The following CLASP2 variants were observed in gnomAD, a reference collection of about 807,000 sequenced individuals.
CLASP2 encodes cytoplasmic linker associated protein 2, also known as CLIP-associating protein 2.
CLASP2 carries 47 observed loss-of-function variants against 194.4 expected under a neutral mutation model. That is an observed-to-expected ratio of 0.24 (90% CI 0.19 to 0.31). CLASP2 has a LOEUF of 0.31. Ranked by LOEUF, CLASP2 falls within the 10% of genes least tolerant of loss-of-function variation. The pLI is 1.00. For synonymous variants in CLASP2, 619 were observed against 633.5 expected (o/e 0.98, Z 0.34); for missense variants, 1,445 against 1,823.6 (o/e 0.79, Z 3.78).
At chr3:33,714,030 C>A (rs185934844) in intron 1 of CLASP2, among the ~76,000 whole-genome samples, 108 of 152,188 alleles carry the variant, frequency 7.1e-4, no homozygotes, top group African/African-American at 2.5e-3. Flanking sequence ...AGGTCTATGG[C>A]CTAAAGCAAT....
chr3:33,604,006 A>G, intron 17 of CLASP2, 148 bp downstream of exon 17: 9 of 604,456 alleles, frequency 1.5e-5, no homozygotes, highest in South Asian at 2.3e-5. Context: ...ATATGTATAC[A>G]CGTATACATA....
chr3:33,538,235 C>T (rs1289058581), intron 33 of CLASP2, among the ~76,000 whole-genome samples: 1 of 152,094 alleles, frequency 6.6e-6, no homozygotes, highest in African/African-American at 2.4e-5. Context: ...TAGTCCTCAA[C>T]TATACAAAGC....
chr3:33,511,158 G>A (rs1012805337), intron 36 of CLASP2, among the ~76,000 whole-genome samples: 2 of 150,216 alleles, frequency 1.3e-5, no homozygotes, highest in African/African-American at 4.9e-5. Context: ...TCAGCCTTCT[G>A]AGTAGTTGGA....
chr3:33,592,104 G>A (rs1364761929), intron 21 of CLASP2: 17 of 647,606 alleles, frequency 2.6e-5, no homozygotes, highest in Admixed American at 7.5e-5. Context: ...CTTTGTAAGT[G>A]GCAGATATCA....
intron 21 of CLASP2, among the ~76,000 whole-genome samples, chr3:33,590,008 C>T (rs968497327): frequency 1.3e-5 from 2 of 151,918 alleles, no homozygotes; most frequent in Non-Finnish European, 2.9e-5. Flanking sequence ...TAACAAGGTA[C>T]AGAAGTACAC....
At chr3:33,513,713 TG>T (rs2050537046) in intron 36 of CLASP2, among the ~76,000 whole-genome samples, 1 of 152,250 alleles carries the variant, frequency 6.6e-6, no homozygotes. Flanking sequence ...TCTCTCACTG[TG>T]GCTTTGGTTA....
intron 8 of CLASP2, among the ~76,000 whole-genome samples, chr3:33,636,094 T>A (rs1027588357): frequency 6.6e-6 from 1 of 152,126 alleles, no homozygotes; most frequent in Non-Finnish European, 1.5e-5. Context: ...GTGGGAGGTA[T>A]CCTTTTGAAT....
chr3:33,645,453 T>C (rs564099813), intron 7 of CLASP2: 9 of 672,508 alleles, frequency 1.3e-5, no homozygotes, highest in South Asian at 1.2e-4. Context: ...CTGAGGTTTG[T>C]GCCGGCATTT....
intron 26 of CLASP2, among the ~76,000 whole-genome samples, chr3:33,570,166 G>A (rs1207030267): frequency 1.3e-5 from 2 of 151,336 alleles, no homozygotes; most frequent in East Asian, 3.9e-4. Context: ...TTACATATAA[G>A]TACTTAAATA....
At chr3:33,554,035 G>A (rs1047498654) in intron 29 of CLASP2, among the ~76,000 whole-genome samples, 17 of 151,954 alleles carry the variant, frequency 1.1e-4, no homozygotes, top group African/African-American at 3.1e-4. Flanking sequence ...AAGGCCAGCC[G>A]GGGCCAACGT....
At chr3:33,694,159 G>T (rs543214129) in intron 2 of CLASP2, among the ~76,000 whole-genome samples, 1 of 152,240 alleles carries the variant, frequency 6.6e-6, no homozygotes, top group Non-Finnish European at 1.5e-5. Flanking sequence ...GAAAGAGTGA[G>T]CAAGTTTCTG....
chr3:33,594,124 G>T lies in CLASP2; in HGVS notation c.1966+827C>A, dbSNP rs1277438756. On this transcript the variant is annotated intron_variant, in intron 20 of 38. Coordinates refer to ENST00000682230, the MANE Select transcript of CLASP2 (RefSeq NM_001365631.1). Reference sequence around the variant, plus strand: ...CTTTCAAAGTGCTGGGATTTCAGGTGTGAACCCCTATGCCTGGACAGAAAT... The same window carrying T: ...CTTTCAAAGTGCTGGGATTTCAGGTTTGAACCCCTATGCCTGGACAGAAAT... 2.0e-5 allele frequency among the ~76,000 whole-genome samples: 3 copies of T among 152,300 alleles called. No individual in the cohort carries two copies. In the East Asian group the frequency reaches 5.8e-4, roughly 29 times the overall value.
chr3:33,658,967 TACTC>T, intron 7 of CLASP2: 3 of 1,534,176 alleles, frequency 2.0e-6, no homozygotes, highest in Non-Finnish European at 2.6e-6. Context: ...AAATAAATCT[TACTC>T]ACCATCTCCC....
chr3:33,557,588 C>G (rs1234316445), intron 29 of CLASP2, among the ~76,000 whole-genome samples: 2 of 152,104 alleles, frequency 1.3e-5, no homozygotes, highest in Non-Finnish European at 2.9e-5. Context: ...GTACCTATAT[C>G]ATAACTTTTA....
At chr3:33,582,986 G>T (rs1311171446) in intron 22 of CLASP2, among the ~76,000 whole-genome samples, 2 of 152,254 alleles carry the variant, frequency 1.3e-5, no homozygotes, top group African/African-American at 2.4e-5. Context: ...GACAAGTAAG[G>T]TTTCAAAAAG....
intron 13 of CLASP2, 51 bp downstream of exon 13, chr3:33,611,950 T>C: frequency 2.6e-6 from 3 of 1,169,424 alleles, no homozygotes; most frequent in East Asian, 2.4e-5. Context: ...AATTAAACAA[T>C]GCAGTATCAG....
At chr3:33,610,273 T>G (rs988244389) in intron 13 of CLASP2, among the ~76,000 whole-genome samples, 1 of 152,206 alleles carries the variant, frequency 6.6e-6, no homozygotes, top group South Asian at 2.1e-4. Flanking sequence ...CTACTATCTA[T>G]GAAATAAAGT....
chr3:33,595,722 G>T (rs1169012598), intron 19 of CLASP2, among the ~76,000 whole-genome samples: 2 of 151,858 alleles, frequency 1.3e-5, no homozygotes, highest in Non-Finnish European at 2.9e-5. Context: ...TTTTGAACTG[G>T]AAAGTGATAA....
At chr3:33,687,581 T>C (rs2090843325) in intron 4 of CLASP2, among the ~76,000 whole-genome samples, 1 of 152,204 alleles carries the variant, frequency 6.6e-6, no homozygotes, top group African/African-American at 2.4e-5. Flanking sequence ...CAAAGAGCTG[T>C]GCAGACTGAG....
Sources: gnomAD v4.1 joint callset for allele counts (sites outside exome capture counted in the v4.1 genomes callset) on GRCh38, gnomAD v4.1.1 for gene constraint, MANE v1.5 for transcripts, NCBI Gene and HGNC (gene_info 2026-07-23, HGNC 2026-07-21) for gene names.